Variants in ATRNL1 observed in about 807,000 individuals in gnomAD.
ATRNL1 encodes attractin-like protein 1.
A neutral mutation model predicts 182.7 loss-of-function variants in ATRNL1; 95 were observed. The observed-to-expected ratio is 0.52, with a 90% CI of 0.44 to 0.62. ATRNL1 has a LOEUF of 0.62. Among genes scored for constraint, ATRNL1 ranks in the 20% least tolerant of loss-of-function variants. ATRNL1 has a pLI of 0.00. For missense variants in ATRNL1, 1,471 were observed against 1,679.5 expected, an observed-to-expected ratio of 0.88 and a Z score of 2.17; for synonymous variants, 576 against 568.3, an observed-to-expected ratio of 1.01 and a Z score of -0.19.
intron 21 of ATRNL1, among the ~76,000 whole-genome samples, chr10:115,442,298 T>G (rs79796352): frequency 7.6e-6 from 1 of 130,812 alleles, no homozygotes; most frequent in East Asian, 2.0e-4. Flanking sequence ...TCTCTCTCTC[T>G]CTCTCTGTGT....
At chr10:115,479,663 TC>T in intron 24 of ATRNL1, among the ~76,000 whole-genome samples, 1 of 151,420 alleles carries the variant, frequency 6.6e-6, no homozygotes, top group South Asian at 2.1e-4. Context: ...AGGGAAAAAA[TC>T]TTTTTGTTTT....
intron 11 of ATRNL1, among the ~76,000 whole-genome samples, chr10:115,266,458 T>C (rs1851612807): frequency 6.6e-6 from 1 of 151,596 alleles, no homozygotes; most frequent in African/African-American, 2.4e-5. Context: ...AAATACTTAT[T>C]TTTCTGACAA....
chr10:115,856,789 C>A (rs1468327409), intron 28 of ATRNL1, among the ~76,000 whole-genome samples: 1 of 152,086 alleles, frequency 6.6e-6, no homozygotes, highest in Non-Finnish European at 1.5e-5. Flanking sequence ...TCACTCACAC[C>A]CACCCATTGC....
intron 20 of ATRNL1, among the ~76,000 whole-genome samples, chr10:115,395,800 C>T (rs1844256907): frequency 1.3e-5 from 2 of 151,590 alleles, no homozygotes; most frequent in African/African-American, 4.8e-5. Flanking sequence ...GCATTTTAGG[C>T]TATTTAAATT....
chr10:115,694,008 A>G (rs937302354), intron 26 of ATRNL1, among the ~76,000 whole-genome samples: 1 of 152,138 alleles, frequency 6.6e-6, no homozygotes, highest in Non-Finnish European at 1.5e-5. Flanking sequence ...GACTATCCAT[A>G]TAGTATGAAG....
intron 14 of ATRNL1, among the ~76,000 whole-genome samples, chr10:115,283,856 G>T (rs940203227): frequency 6.6e-6 from 1 of 152,212 alleles, no homozygotes; most frequent in African/African-American, 2.4e-5. Context: ...AAAAAATGTT[G>T]CTTTGTTATA....
In ATRNL1 at chr10:115,561,749, A is replaced by T. The variant is rs143006226; in HGVS notation, c.3795+12213A>T. On this transcript the variant is annotated intron_variant, in intron 26 of 28. Transcript: ENST00000355044. Reference sequence around the variant, plus strand: ...TTTGTGTGGTCAGTAACTCATGAAAATGAAAAGATGCTCAACAATGTTAGC... The same window carrying T: ...TTTGTGTGGTCAGTAACTCATGAAATTGAAAAGATGCTCAACAATGTTAGC... 6.2e-4 allele frequency among the ~76,000 whole-genome samples: 93 copies of T among 149,412 alleles called. 1 individual carries two copies. The East Asian group carries it at 0.017, about 27-fold the overall frequency.
intron 25 of ATRNL1, among the ~76,000 whole-genome samples, chr10:115,524,899 G>A (rs543343419): frequency 6.6e-6 from 1 of 152,068 alleles, no homozygotes; most frequent in Admixed American, 6.5e-5. Flanking sequence ...AGTCAATTAG[G>A]CCCTCATGTC....
intron 24 of ATRNL1, among the ~76,000 whole-genome samples, chr10:115,506,030 G>T (rs78633487): frequency 0.034 from 5,124 of 151,624 alleles, 126 homozygotes; most frequent in Non-Finnish European, 0.051. Context: ...CTTTCAGTTT[G>T]GCCTGGCTAG....
At chr10:115,615,955 G>A (rs554298994) in intron 26 of ATRNL1, among the ~76,000 whole-genome samples, 15 of 152,290 alleles carry the variant, frequency 9.8e-5, no homozygotes, top group Admixed American at 1.3e-4. Flanking sequence ...AAATGTGGAA[G>A]GAACTTTGGG....
chr10:115,553,292 C>T (rs1010214929), intron 26 of ATRNL1, among the ~76,000 whole-genome samples: 4 of 151,130 alleles, frequency 2.6e-5, no homozygotes, highest in African/African-American at 9.7e-5. Context: ...AATAATAGAT[C>T]CATAGGCAAA....
intron 27 of ATRNL1, among the ~76,000 whole-genome samples, chr10:115,771,434 G>GCA (rs1948988605): frequency 6.6e-6 from 1 of 152,030 alleles, no homozygotes; most frequent in African/African-American, 2.4e-5. Context: ...GTTTCACCGT[G>GCA]TTAGCCAGGA....
At chr10:115,805,108 TC>T (rs1949889304) in intron 27 of ATRNL1, among the ~76,000 whole-genome samples, 1 of 152,134 alleles carries the variant, frequency 6.6e-6, no homozygotes, top group Non-Finnish European at 1.5e-5. Flanking sequence ...AACATTCCCC[TC>T]CTAATTCTAC....
At chr10:115,189,805 G>A (rs782707300) in intron 8 of ATRNL1, among the ~76,000 whole-genome samples, 15 of 152,040 alleles carry the variant, frequency 9.9e-5, no homozygotes, top group Non-Finnish European at 2.1e-4. Context: ...TTCTACAGTA[G>A]TATACAGTAA....
chr10:115,834,235 A>G (rs1332476192), intron 27 of ATRNL1, among the ~76,000 whole-genome samples: 4 of 152,204 alleles, frequency 2.6e-5, no homozygotes, highest in African/African-American at 9.6e-5. Context: ...ATCCCATTAG[A>G]AACTACTTTC....
At chr10:115,167,713 T>G (rs1009034208) in intron 7 of ATRNL1, among the ~76,000 whole-genome samples, 4 of 152,112 alleles carry the variant, frequency 2.6e-5, no homozygotes, top group Admixed American at 2.6e-4. Context: ...AAAAGTAAAA[T>G]AAAAGTATTT....
intron 7 of ATRNL1, among the ~76,000 whole-genome samples, chr10:115,166,273 G>A (rs1341033257): frequency 6.6e-6 from 1 of 151,962 alleles, no homozygotes; most frequent in African/African-American, 2.4e-5. Context: ...TCCATTATAT[G>A]TATATACCAC....
chr10:115,606,010 G>A (rs1326043423), intron 26 of ATRNL1, among the ~76,000 whole-genome samples: 1 of 151,890 alleles, frequency 6.6e-6, no homozygotes, highest in African/African-American at 2.4e-5. Flanking sequence ...GGGATAGGGA[G>A]AAAAAGAAGA....
intron 28 of ATRNL1, among the ~76,000 whole-genome samples, chr10:115,908,803 T>G (rs1198088633): frequency 6.6e-6 from 1 of 152,186 alleles, no homozygotes; most frequent in Admixed American, 6.5e-5. Flanking sequence ...GCACCTTACA[T>G]TCTGCTTCTA....
Sources: gnomAD v4.1 joint callset for allele counts (sites outside exome capture counted in the v4.1 genomes callset) on GRCh38, gnomAD v4.1.1 for gene constraint, MANE v1.5 for transcripts, NCBI Gene and HGNC (gene_info 2026-07-23, HGNC 2026-07-21) for gene names.